TMPRSS2: variants seen among roughly 807,000 people sequenced by gnomAD.
TMPRSS2 encodes the protein transmembrane serine protease 2, also known as transmembrane protease serine 2.
TMPRSS2 carries 59 observed loss-of-function variants against 67.4 expected under a neutral mutation model. The observed-to-expected ratio is 0.88, with a 90% CI of 0.71 to 1.09. The LOEUF (loss-of-function observed/expected upper bound fraction) is 1.09. TMPRSS2 is among the 50% of genes least tolerant of loss of function. The pLI, the probability that TMPRSS2 is intolerant of heterozygous loss-of-function variation, is 0.00. For missense variants in TMPRSS2, 668 were observed against 642.7 expected (o/e 1.04, Z -0.43); for synonymous variants, 257 against 257.0 (o/e 1.00, Z 0.00).
Position 41,480,593 on chromosome 21 carries a change from T to C in TMPRSS2, c.455A>G (p.Tyr152Cys), listed in dbSNP as rs755231989. The stretch of plus-strand genomic sequence containing the variant: ...CACCTGAAGGATGAAGTTTGGTCCG[T>C]AGAGGCGAACTGCACGAGAGGGAGG... The part of the protein sequence containing the change: ...GEDENRCVRL[Y>C]GPNFILQVYS... The change falls in exon 6 of 14, where the codon TAC becomes TGC. Residue 152 changes from tyrosine to cysteine, a missense_variant. By Grantham distance (194) the Tyr-to-Cys change is radical. Transcript: ENST00000332149. 1.9e-6 allele frequency: 3 copies of C among 1,613,714 alleles called. No individual in the cohort carries two copies. Among genetic ancestry groups the C allele is most frequent in the Non-Finnish European group, 2.5e-6 (3 of 1,180,026 alleles).
At chr21:41,471,342 T>G (rs1322612289) in intron 10 of TMPRSS2, among the ~76,000 whole-genome samples, 1 of 152,240 alleles carries the variant, frequency 6.6e-6, no homozygotes, top group Non-Finnish European at 1.5e-5. Context: ...TTTACACATT[T>G]TAGGCCAGTA....
chr21:41,506,137 C>G (rs529550811), intron 1 of TMPRSS2, among the ~76,000 whole-genome samples: 1 of 152,340 alleles, frequency 6.6e-6, no homozygotes, highest in South Asian at 2.1e-4. Context: ...GAGTGGCCAA[C>G]GGTGCCAGGC....
In TMPRSS2 at chr21:41,470,688, C is replaced by T. The variant is rs2146425341; in HGVS notation, c.1131G>A (p.Gln377=). The T allele has an allele frequency of 1.9e-6, 3 of 1,613,660 alleles. No homozygotes were observed. The South Asian group carries it at 3.3e-5, about 18-fold the overall frequency. Residue 377 remains glutamine (Q), a synonymous_variant, in exon 11 of 14, where the codon CAG becomes CAA. Transcript: ENST00000332149. ...CCCCCCACCCGGAAATCCAGCAGAGCTGTTCTGGCTGCAGCATCATGCCTG... is the reference window on the plus strand; with the variant it reads ...CCCCCCACCCGGAAATCCAGCAGAGTTGTTCTGGCTGCAGCATCATGCCTG... ...PNPGMMLQPE[Q]LCWISGWGAT...
chr21:41,473,668 C>T (rs2091156023), intron 8 of TMPRSS2, among the ~76,000 whole-genome samples, 172 bp from the exon 9 acceptor site: 1 of 151,866 alleles, frequency 6.6e-6, no homozygotes, highest in Non-Finnish European at 1.5e-5. Flanking sequence ...AGGGAGGATG[C>T]CCCTCCAGCC....
chr21:41,493,263 G>A (rs1280570634), intron 3 of TMPRSS2, among the ~76,000 whole-genome samples: 1 of 152,166 alleles, frequency 6.6e-6, no homozygotes, highest in Non-Finnish European at 1.5e-5. Context: ...GAGAATGAGA[G>A]AAGGGAGAGA....
chr21:41,476,700 C>A, intron 7 of TMPRSS2, 80 bp from the exon 8 acceptor site: 1 of 1,248,692 alleles, frequency 8.0e-7, no homozygotes. Flanking sequence ...TCAGTCATTT[C>A]TTCCGATGTT....
intron 1 of TMPRSS2, among the ~76,000 whole-genome samples, chr21:41,502,142 A>T (rs1221132798): frequency 6.6e-6 from 1 of 152,210 alleles, no homozygotes; most frequent in Non-Finnish European, 1.5e-5. Flanking sequence ...CTGCCTGGCC[A>T]CCATGCAGCA....
intron 7 of TMPRSS2, among the ~76,000 whole-genome samples, chr21:41,477,184 T>C (rs901035165): frequency 6.6e-6 from 1 of 152,180 alleles, no homozygotes. Flanking sequence ...ACGCGGCCCC[T>C]GGCATGCAGA....
chr21:41,504,902 C>A (rs769038841), intron 1 of TMPRSS2, among the ~76,000 whole-genome samples: 1 of 152,146 alleles, frequency 6.6e-6, no homozygotes, highest in Non-Finnish European at 1.5e-5. Context: ...ATTGGAGGAT[C>A]CCCTGGCAGG....
chr21:41,501,914 C>T (rs2091427189), intron 1 of TMPRSS2, among the ~76,000 whole-genome samples: 1 of 152,222 alleles, frequency 6.6e-6, no homozygotes, highest in African/African-American at 2.4e-5. Context: ...TGATGGCTCT[C>T]AATTCTGGAA....
chr21:41,505,562 C>T (rs1473726340), intron 1 of TMPRSS2, among the ~76,000 whole-genome samples: 1 of 152,200 alleles, frequency 6.6e-6, no homozygotes, highest in East Asian at 1.9e-4. Context: ...CCGCAGGCCC[C>T]CTTTCAGAGT....
intron 5 of TMPRSS2, among the ~76,000 whole-genome samples, chr21:41,486,290 C>G (rs1026005236): frequency 2.8e-4 from 42 of 152,136 alleles, no homozygotes; most frequent in African/African-American, 9.9e-4. Context: ...CATGGCTGTG[C>G]TTGGGAAATA....
chr21:41,481,359 C>A (rs2091255830), intron 5 of TMPRSS2, among the ~76,000 whole-genome samples: 1 of 152,162 alleles, frequency 6.6e-6, no homozygotes, highest in Non-Finnish European at 1.5e-5. Context: ...ACATGGAATG[C>A]CACTTATATT....
chr21:41,506,176 C>T (rs2091456478), intron 1 of TMPRSS2, among the ~76,000 whole-genome samples: 1 of 152,228 alleles, frequency 6.6e-6, no homozygotes, highest in Admixed American at 6.5e-5. Context: ...CTGGGAGGCC[C>T]TGCCTGAGGC....
chr21:41,497,104 G>C (rs2091389411), intron 2 of TMPRSS2, among the ~76,000 whole-genome samples: 1 of 152,086 alleles, frequency 6.6e-6, no homozygotes, highest in Non-Finnish European at 1.5e-5. Flanking sequence ...GCCTCCCAAA[G>C]GGCTGGATGA....
chr21:41,497,319 T>C (rs970681245), intron 2 of TMPRSS2, among the ~76,000 whole-genome samples: 3 of 152,174 alleles, frequency 2.0e-5, no homozygotes, highest in Non-Finnish European at 4.4e-5. Context: ...AACTCACTAA[T>C]GCTGTCCTTC....
At chr21:41,504,373 G>C (rs984188634) in intron 1 of TMPRSS2, among the ~76,000 whole-genome samples, 9 of 152,258 alleles carry the variant, frequency 5.9e-5, no homozygotes, top group African/African-American at 2.2e-4. Context: ...TCACCTCCAG[G>C]AGGATGAAAA....
rs377623945 is a variant in TMPRSS2, at chr21:41,466,053, T to C, written c.*89A>G. The C allele has an allele frequency of 8.1e-6, 12 of 1,485,834 alleles. No homozygotes were observed. Among genetic ancestry groups the C allele is most frequent in the Non-Finnish European group, 1.1e-5 (12 of 1,072,144 alleles). 92.0% of individuals were successfully genotyped at this position (1,485,834 alleles called of 1,614,324 possible). On this transcript the variant is annotated 3_prime_UTR_variant, in exon 14 of 14. Coordinates refer to ENST00000332149, the MANE Select transcript of TMPRSS2 (RefSeq NM_005656.4). ...TAATAAAAATGAAGTGACCTCTGAA[T>C]CATCTCTAAGAGTAAATCATGCACG...
At position 41,508,103 on chromosome 21, in the gene TMPRSS2, C is replaced by G; in HGVS notation, c.-79G>C. On this transcript the variant is annotated 5_prime_UTR_variant, in exon 1 of 14. Coordinates refer to ENST00000332149, the MANE Select transcript of TMPRSS2 (RefSeq NM_005656.4). Reference sequence around the variant, plus strand: ...CACCTGCCGCGCTCCAGGCGGCGCTCCCCGCCCCTCGCCCTCCGCCTCCGC... The same window carrying G: ...CACCTGCCGCGCTCCAGGCGGCGCTGCCCGCCCCTCGCCCTCCGCCTCCGC... The G allele has an allele frequency of 8.4e-7, 1 of 1,186,176 alleles. No individual in the cohort carries two copies. Among genetic ancestry groups the G allele is most frequent in the Non-Finnish European group, 1.1e-6 (1 of 924,120 alleles). The allele number at this position is 1,186,176 out of a possible 1,614,324, so 73.5% of individuals were successfully genotyped here.
Sources: gnomAD v4.1 joint callset for allele counts (sites outside exome capture counted in the v4.1 genomes callset) on GRCh38, gnomAD v4.1.1 for gene constraint, MANE v1.5 for transcripts, NCBI Gene and HGNC (gene_info 2026-07-23, HGNC 2026-07-21) for gene names.